The following SNX25 variants were observed in gnomAD, a reference collection of about 807,000 sequenced individuals.
The protein encoded by SNX25 is sorting nexin-25.
A neutral mutation model predicts 113.7 loss-of-function variants in SNX25; 62 were observed. The observed-to-expected ratio is 0.55, with a 90% CI of 0.44 to 0.67. SNX25 has a LOEUF of 0.67. Among genes scored for constraint, SNX25 ranks in the 30% least tolerant of loss-of-function variants. The probability of loss-of-function intolerance (pLI) is 0.00; values close to 1 mark genes in which losing one functional copy is unlikely to be tolerated. For synonymous variants in SNX25, 421 were observed against 436.2 expected (o/e 0.97, Z 0.43); for missense variants, 1,014 against 1,161.0 (o/e 0.87, Z 1.84).
intron 6 of SNX25, among the ~76,000 whole-genome samples, chr4:185,307,913 C>A (rs1754681665): frequency 6.6e-6 from 1 of 152,308 alleles, no homozygotes; most frequent in Admixed American, 6.5e-5. Flanking sequence ...CACTGCCACA[C>A]CTAGCTAAGT....
intron 6 of SNX25, among the ~76,000 whole-genome samples, chr4:185,293,224 G>C (rs1452132023): frequency 6.6e-6 from 1 of 152,112 alleles, no homozygotes; most frequent in Non-Finnish European, 1.5e-5. Flanking sequence ...AAGACAATTT[G>C]GCAGTTCCTC....
chr4:185,238,272 C>CA (rs909932261), intron 1 of SNX25, among the ~76,000 whole-genome samples: 1 of 151,858 alleles, frequency 6.6e-6, no homozygotes, highest in African/African-American at 2.4e-5. Context: ...TAGTAAATGG[C>CA]AGAGTGGAGC....
At chr4:185,309,482 T>A (rs1037670916) in intron 6 of SNX25, among the ~76,000 whole-genome samples, 1 of 152,178 alleles carries the variant, frequency 6.6e-6, no homozygotes, top group African/African-American at 2.4e-5. Context: ...TTGTCCAGAG[T>A]TGAGTTAGCA....
intron 5 of SNX25, among the ~76,000 whole-genome samples, chr4:185,274,734 T>C (rs1263971038): frequency 6.6e-6 from 1 of 152,256 alleles, no homozygotes; most frequent in Non-Finnish European, 1.5e-5. Context: ...TATTATGTAT[T>C]AAGCACAGTG....
chr4:185,245,288 A>T (rs1744686925), intron 1 of SNX25, among the ~76,000 whole-genome samples: 2 of 151,820 alleles, frequency 1.3e-5, no homozygotes, highest in Admixed American at 1.3e-4. Context: ...CACTAGCAAG[A>T]TAGTGGGGTT....
chr4:185,332,632 A>T lies in SNX25; in HGVS notation c.1787A>T (p.Asp596Val). 1.2e-6 allele frequency: 2 copies of T among 1,613,776 alleles called. No homozygotes were observed. The highest frequency in any genetic ancestry group is 1.7e-6 in the Non-Finnish European group (2 of 1,179,818). ...GAGGCTGGTGAGGAAGCCGTGGATG[A>T]TGGTACCAATCAGATCAATGAACAA... ...RDEAGEEAVD[D>V]GTNQINEQAS... is the part of the protein sequence containing the mutation. The change falls in exon 10 of 19, where the codon GAT becomes GTT. Residue 596 changes from aspartate to valine, a missense_variant. Physicochemically the swap from Asp to Val is radical, Grantham distance 152 (BLOSUM62 -3). Coordinates refer to ENST00000652585, the MANE Select transcript of SNX25 (RefSeq NM_001378034.2).
At position 185,320,725 on chromosome 4, in the gene SNX25, C is replaced by T. The variant is rs773053145; in HGVS notation, c.1345-8C>T. 2 of 1,488,150 alleles carry T rather than the reference C, an allele frequency of 1.3e-6. No homozygotes were observed. The highest frequency in any genetic ancestry group is 1.8e-6 in the Non-Finnish European group (2 of 1,117,592). 92.2% of individuals were successfully genotyped at this position (1,488,150 alleles called of 1,614,324 possible). A position where few individuals can be genotyped will look rare whatever the true frequency, so the allele number is the denominator to read the frequency against. Reference sequence around the variant, plus strand: ...TTTAAAAAAAGTTTTCTTAAATTCTCTTAATAGATTCTTCAGTTTGAAGAT... The same window carrying T: ...TTTAAAAAAAGTTTTCTTAAATTCTTTTAATAGATTCTTCAGTTTGAAGAT... On this transcript the variant is annotated splice_polypyrimidine_tract_variant and splice_region_variant and intron_variant, in intron 7 of 18. Transcript: ENST00000652585.
intron 1 of SNX25, among the ~76,000 whole-genome samples, chr4:185,241,886 T>C (rs1744112747): frequency 6.6e-6 from 1 of 152,154 alleles, no homozygotes; most frequent in Non-Finnish European, 1.5e-5. Flanking sequence ...AAATCTGCCT[T>C]GTGAAGTTTC....
intron 6 of SNX25, among the ~76,000 whole-genome samples, chr4:185,288,916 C>G (rs952082644): frequency 6.6e-6 from 1 of 152,150 alleles, no homozygotes; most frequent in Admixed American, 6.5e-5. Context: ...AAGTCTCCGC[C>G]AAGGAGAGGG....
chr4:185,346,633 T>C lies in SNX25; in HGVS notation c.2284T>C (p.Leu762=). Residue 762 remains leucine, a synonymous_variant, in exon 13 of 19, where the codon TTA becomes CTA. Coordinates refer to ENST00000652585, the MANE Select transcript of SNX25 (RefSeq NM_001378034.2). ...QKFMEKSKNQ[L]NKFLQNLLSD... The stretch of plus-strand genomic sequence containing the variant: ...GTTTATGGAAAAGTCGAAGAATCAA[T>C]TAAATAAGTTTTTACAGGTAAGCAA... 1.3e-6 allele frequency: 2 copies of C among 1,579,350 alleles called. No homozygotes were observed. The highest frequency in any genetic ancestry group is 1.7e-6 in the Non-Finnish European group (2 of 1,168,670).
At chr4:185,315,392 C>A (rs375634952) in intron 7 of SNX25, among the ~76,000 whole-genome samples, 2 of 148,486 alleles carry the variant, frequency 1.3e-5, no homozygotes, top group East Asian at 4.1e-4. Flanking sequence ...CTCCCAGATT[C>A]AAGCAATTCT....
At chr4:185,226,452 T>G (rs1560907314) in intron 1 of SNX25, among the ~76,000 whole-genome samples, 1 of 151,982 alleles carries the variant, frequency 6.6e-6, no homozygotes, top group African/African-American at 2.4e-5. Context: ...AACTAAATTT[T>G]TTGTTGTTGT....
chr4:185,258,513 A>G (rs1185657431), intron 2 of SNX25, among the ~76,000 whole-genome samples: 1 of 152,226 alleles, frequency 6.6e-6, no homozygotes, highest in Non-Finnish European at 1.5e-5. Context: ...CAAAGAGGCA[A>G]TAGACTGATA....
At position 185,336,391 on chromosome 4, in the gene SNX25, G is replaced by GCT. The variant is rs370738783; in HGVS notation, c.1915-2986_1915-2985dup. ...CATGCCTTTGTGTCCTCATAGCTTA[G>GCT]CTCCCACTTATGAGTGAGAACATAC... On this transcript the variant is annotated intron_variant, in intron 10 of 18. Coordinates refer to ENST00000652585, the MANE Select transcript of SNX25 (RefSeq NM_001378034.2). 3.9e-3 allele frequency among the ~76,000 whole-genome samples: 601 copies of GCT among 152,244 alleles called. 1 individual carries two copies. Among genetic ancestry groups the GCT allele is most frequent in the African/African-American group, 0.013 (534 of 41,546 alleles).
chr4:185,311,209 A>G (rs2095027167), intron 7 of SNX25, among the ~76,000 whole-genome samples: 1 of 152,206 alleles, frequency 6.6e-6, no homozygotes, highest in South Asian at 2.1e-4. Context: ...CTCTTGCCAC[A>G]ATATTATGAA....
intron 3 of SNX25, among the ~76,000 whole-genome samples, chr4:185,262,268 G>A (rs988220529): frequency 1.3e-5 from 2 of 152,196 alleles, no homozygotes; most frequent in African/African-American, 2.4e-5. Context: ...GCTGCTTTAA[G>A]CCAATCCAGA....
At chr4:185,313,513 T>C (rs2095047132) in intron 7 of SNX25, among the ~76,000 whole-genome samples, 1 of 152,186 alleles carries the variant, frequency 6.6e-6, no homozygotes, top group African/African-American at 2.4e-5. Flanking sequence ...ATCTGGAAAA[T>C]TCCCAAATAT....
chr4:185,218,053 C>CT (rs1739162890), intron 1 of SNX25, among the ~76,000 whole-genome samples: 1 of 152,242 alleles, frequency 6.6e-6, no homozygotes, highest in South Asian at 2.1e-4. Context: ...GGATTTAGGT[C>CT]TAAGTCACAC....
chr4:185,346,826 G>C (rs189432535), intron 13 of SNX25, among the ~76,000 whole-genome samples, 176 bp downstream of exon 13: 2 of 151,874 alleles, frequency 1.3e-5, no homozygotes, highest in Non-Finnish European at 2.9e-5. Context: ...AAAAATACAC[G>C]TAAGTGTATA....
Sources: gnomAD v4.1 joint callset for allele counts (sites outside exome capture counted in the v4.1 genomes callset) on GRCh38, gnomAD v4.1.1 for gene constraint, MANE v1.5 for transcripts, NCBI Gene and HGNC (gene_info 2026-07-23, HGNC 2026-07-21) for gene names.